The following AHR variants were observed in gnomAD, a reference collection of about 807,000 sequenced individuals.
AHR encodes the protein AH-receptor.
AHR carries 40 observed loss-of-function variants against 86.8 expected under a neutral mutation model. The observed-to-expected ratio is 0.46, with a 90% confidence interval of 0.36 to 0.60. The LOEUF (loss-of-function observed/expected upper bound fraction) is 0.60, where lower values mean the gene tolerates loss of function less well. AHR is among the 20% of genes least tolerant of loss of function. The pLI, the probability that AHR is intolerant of heterozygous loss-of-function variation, is 0.00. For synonymous variants in AHR, 398 were observed against 354.9 expected, an observed-to-expected ratio of 1.12 and a Z score of -1.37; for missense variants, 1,001 against 1,011.6, an observed-to-expected ratio of 0.99 and a Z score of 0.14.
intron 2 of AHR, among the ~76,000 whole-genome samples, chr7:17,311,178 T>C (rs1321482240): frequency 6.6e-6 from 1 of 152,242 alleles, no homozygotes; most frequent in Non-Finnish European, 1.5e-5. Context: ...GAAATAGATT[T>C]TTTAAGGAAA....
At chr7:17,305,298 C>A (rs1338474295) in intron 1 of AHR, among the ~76,000 whole-genome samples, 1 of 152,106 alleles carries the variant, frequency 6.6e-6, no homozygotes, top group African/African-American at 2.4e-5. Context: ...ACATTAAGCA[C>A]ATAGTTTATG....
intron 2 of AHR, among the ~76,000 whole-genome samples, chr7:17,317,079 G>A (rs979300576): frequency 1.4e-5 from 2 of 145,184 alleles, no homozygotes; most frequent in African/African-American, 5.0e-5. Context: ...ATTTCCTGCA[G>A]AATCCTGATA....
intron 3 of AHR, among the ~76,000 whole-genome samples, chr7:17,325,819 G>T (rs1782223025): frequency 6.6e-6 from 1 of 152,130 alleles, no homozygotes; most frequent in African/African-American, 2.4e-5. Flanking sequence ...AGGAGGGAGA[G>T]AGGATCAGGA....
intron 1 of AHR, among the ~76,000 whole-genome samples, chr7:17,308,317 A>C (rs958278857): frequency 6.6e-6 from 1 of 152,086 alleles, no homozygotes; most frequent in Non-Finnish European, 1.5e-5. Context: ...TCCCTCACTC[A>C]AGATCCATCT....
intron 1 of AHR, among the ~76,000 whole-genome samples, chr7:17,307,914 G>A (rs978051808): frequency 1.3e-5 from 2 of 152,002 alleles, no homozygotes; most frequent in Non-Finnish European, 2.9e-5. Flanking sequence ...CACCCACATA[G>A]CTCACTTCAT....
chr7:17,302,293 T>G (rs1471931373), intron 1 of AHR, among the ~76,000 whole-genome samples: 1 of 152,036 alleles, frequency 6.6e-6, no homozygotes, highest in African/African-American at 2.4e-5. Context: ...CTTCTGAGCC[T>G]TAGCTGATCT....
intron 8 of AHR, 22 bp from the exon 9 acceptor site, chr7:17,335,623 T>C (rs1584041290): frequency 6.5e-7 from 1 of 1,531,790 alleles, no homozygotes; most frequent in East Asian, 2.5e-5. Flanking sequence ...TTTGATAATT[T>C]AATTTTTTAA....
chr7:17,338,061 T>C (rs1336504348), intron 9 of AHR, among the ~76,000 whole-genome samples: 1 of 151,336 alleles, frequency 6.6e-6, no homozygotes, highest in African/African-American at 2.4e-5. Context: ...TAGCCGGGCG[T>C]TGTAGCGGGC....
At chr7:17,341,212 C>T (rs185092576) in intron 10 of AHR, among the ~76,000 whole-genome samples, 45 of 152,082 alleles carry the variant, frequency 3.0e-4, no homozygotes, top group Admixed American at 2.6e-3. Flanking sequence ...ATTGTATTTT[C>T]TGGCTTTTTC....
At chr7:17,326,742 A>G (rs1782234602) in intron 3 of AHR, among the ~76,000 whole-genome samples, 1 of 152,152 alleles carries the variant, frequency 6.6e-6, no homozygotes, top group South Asian at 2.1e-4. Context: ...ATAGACAGAG[A>G]CAGGAGTCCA....
chr7:17,318,226 T>G (rs1782135767), intron 2 of AHR, among the ~76,000 whole-genome samples: 1 of 152,130 alleles, frequency 6.6e-6, no homozygotes. Flanking sequence ...GAATTTTTTT[T>G]TCCTTGACCA....
At chr7:17,334,456 G>T (rs1584040763) in intron 7 of AHR, among the ~76,000 whole-genome samples, 1 of 151,958 alleles carries the variant, frequency 6.6e-6, no homozygotes, top group African/African-American at 2.4e-5. Flanking sequence ...AGAAAATTGT[G>T]AGCAGGAGTC....
At chr7:17,341,428 A>AC (rs1156513164) in intron 10 of AHR, among the ~76,000 whole-genome samples, 1 of 152,192 alleles carries the variant, frequency 6.6e-6, no homozygotes, top group Non-Finnish European at 1.5e-5. Context: ...CATTTTGAAT[A>AC]AGGAGTTGCA....
At chr7:17,321,594 T>TACACACACACAC (rs71309046) in intron 2 of AHR, among the ~76,000 whole-genome samples, 3,449 of 147,660 alleles carry the variant, frequency 0.023, 39 homozygotes, top group Middle Eastern at 0.028. Context: ...ACCACACACA[T>TACACACACACAC]ACACACACAC....
chr7:17,307,734 T>G (rs1437744802), intron 1 of AHR, among the ~76,000 whole-genome samples: 3 of 152,104 alleles, frequency 2.0e-5, no homozygotes, highest in Non-Finnish European at 4.4e-5. Context: ...CCCGGAATCC[T>G]AACTTCAGCG....
Position 17,334,897 on chromosome 7 carries a change from GT to G in AHR, c.923del (p.Leu308Ter). The G allele has an allele frequency of 6.2e-7, 1 of 1,606,766 alleles. No homozygotes were observed. On this transcript the variant is annotated frameshift_variant, in exon 8 of 11. Transcript: ENST00000242057. ...PIGCDAKGRI[V>X]LGYTEAELCT... Reference sequence around the variant, plus strand: ...TTTTATTTTAAACAGAGGAAGAATTGTTTTAGGATATACTGAAGCAGAGCTG... The same window carrying G: ...TTTTATTTTAAACAGAGGAAGAATTGTTTAGGATATACTGAAGCAGAGCTG...
At chr7:17,332,547 C>G (rs951797759) in intron 6 of AHR, among the ~76,000 whole-genome samples, 1 of 149,124 alleles carries the variant, frequency 6.7e-6, no homozygotes, top group African/African-American at 2.5e-5. Flanking sequence ...TAGTTTTTAA[C>G]AAAAAAAGTT....
At chr7:17,307,873 T>G (rs1584029943) in intron 1 of AHR, among the ~76,000 whole-genome samples, 1 of 152,050 alleles carries the variant, frequency 6.6e-6, no homozygotes, top group Non-Finnish European at 1.5e-5. Flanking sequence ...TACTTTGCTG[T>G]CTCCTCTATC....
In AHR at chr7:17,298,873, G is replaced by A. The variant is rs1370775339; in HGVS notation, c.-392G>A. 2.5e-6 allele frequency: 1 copy of A among 398,420 alleles called. No individual in the cohort carries two copies. Among genetic ancestry groups the A allele is most frequent in the East Asian group, 3.6e-5 (1 of 28,002 alleles). The allele number at this position is 398,420 out of a possible 1,614,324, so 24.7% of individuals were successfully genotyped here. ...GGGGCCGCGGCGACGGTCACGGGGC[G>A]CGGCGCCACCGTGAGCGACCCAGGC... On this transcript the variant is annotated 5_prime_UTR_variant, in exon 1 of 11. Transcript: ENST00000242057.
Sources: allele counts gnomAD v4.1 joint callset (sites outside exome capture counted in the v4.1 genomes callset), GRCh38; gene constraint gnomAD v4.1.1; transcripts MANE v1.5; gene names NCBI Gene and HGNC (gene_info 2026-07-23, HGNC 2026-07-21).